CMPK2: variants seen among roughly 807,000 people sequenced by gnomAD.
CMPK2 encodes cytidine/uridine monophosphate kinase 2, also known as UMP-CMP kinase 2, mitochondrial.
In CMPK2, 32 loss-of-function variants were observed where a neutral mutation model predicts 33.4. That is an observed-to-expected ratio of 0.96 (90% CI 0.72 to 1.29). CMPK2 has a LOEUF of 1.29. Ranked by LOEUF, CMPK2 falls within the 50% of genes most tolerant of loss-of-function variation. The pLI, the probability that CMPK2 is intolerant of heterozygous loss-of-function variation, is 0.00. For missense variants in CMPK2, 672 were observed against 616.0 expected, an observed-to-expected ratio of 1.09 and a Z score of -0.96; for synonymous variants, 299 against 275.3, an observed-to-expected ratio of 1.09 and a Z score of -0.85.
downstream of CMPK2, among the ~76,000 whole-genome samples, chr2:6,845,429 G>C (rs1355045829): frequency 1.3e-5 from 2 of 152,108 alleles, no homozygotes; most frequent in Non-Finnish European, 2.9e-5. Flanking sequence ...GCGTTACCCA[G>C]GGTGGAGGGA....
rs112033161 is a variant in CMPK2, at chr2:6,855,554, G to A, written c.993-3871C>T. On this transcript the variant is annotated intron_variant, in intron 3 of 4. Coordinates refer to ENST00000256722, the MANE Select transcript of CMPK2 (RefSeq NM_207315.4). ...TACAGATATCACATATGATAACATC[G>A]GGCATGTTAACAATAGGGCAAAAAC... Among the ~76,000 whole-genome samples the A allele has an allele frequency of 2.0e-3, 304 of 152,172 alleles. 2 individuals carry two copies. The highest frequency in any genetic ancestry group is 7.0e-3 in the African/African-American group (291 of 41,524).
In CMPK2 at chr2:6,865,391, C is replaced by T; in HGVS notation, c.306G>A (p.Leu102=). The T allele has an allele frequency of 1.5e-6, 2 of 1,366,382 alleles. No homozygotes were observed. The highest frequency in any genetic ancestry group is 1.9e-6 in the Non-Finnish European group (2 of 1,069,040). 84.6% of individuals were successfully genotyped at this position (1,366,382 alleles called of 1,614,324 possible). A position where few individuals can be genotyped will look rare whatever the true frequency, so the allele number is the denominator to read the frequency against. ...ARLHQRLLHQ[L]RRGPFQRCQL... ...GGCACCGCTGGAAGGGGCCGCGGCG[C>T]AGCTGGTGCAGCAGGCGCTGGTGCA... Residue 102 remains leucine (L), a synonymous_variant, in exon 1 of 5, where the codon CTG becomes CTA. Transcript: ENST00000256722.
At chr2:6,841,108 C>G (rs2103211547) in intron 3 of CMPK2, among the ~76,000 whole-genome samples, 1 of 152,128 alleles carries the variant, frequency 6.6e-6, no homozygotes, top group South Asian at 2.1e-4. Flanking sequence ...CTTTTGAGAC[C>G]CCTTGGGTAA....
intron 3 of CMPK2, among the ~76,000 whole-genome samples, chr2:6,854,172 A>G (rs2103221351): frequency 6.6e-6 from 1 of 152,338 alleles, no homozygotes; most frequent in Non-Finnish European, 1.5e-5. Flanking sequence ...TACTTAAACT[A>G]TAATTTACAC....
At chr2:6,844,899 T>A (rs900661359), downstream of CMPK2, among the ~76,000 whole-genome samples, 1 of 152,158 alleles carries the variant, frequency 6.6e-6, no homozygotes, top group Non-Finnish European at 1.5e-5. Flanking sequence ...GGGAATTCCT[T>A]AAGTGGCACA....
At chr2:6,850,463 C>T (rs1027518899) in intron 4 of CMPK2, among the ~76,000 whole-genome samples, 2 of 152,140 alleles carry the variant, frequency 1.3e-5, no homozygotes, top group Admixed American at 6.5e-5. Context: ...CATGTGTATA[C>T]AGAGTGACTA....
chr2:6,855,170 A>G (rs1662648065), intron 3 of CMPK2, among the ~76,000 whole-genome samples: 1 of 151,592 alleles, frequency 6.6e-6, no homozygotes, highest in African/African-American at 2.4e-5. Flanking sequence ...GCACCAACCT[A>G]ATAATTCCCA....
Position 6,865,250 on chromosome 2 carries a change from C to T in CMPK2, c.447G>A (p.Leu149=). 6.5e-7 allele frequency: 1 copy of T among 1,536,538 alleles called. No individual in the cohort carries two copies. ...DPDTRQALLE[L]LGACQEAPRP... ...GTGGTGCCTCCTGACAGGCGCCCAGCAGCTCGAGCAGCGCTTGCCGGGTGT... is the reference window on the plus strand; with the variant it reads ...GTGGTGCCTCCTGACAGGCGCCCAGTAGCTCGAGCAGCGCTTGCCGGGTGT... The change falls in exon 1 of 5, where the codon CTG becomes CTA. Residue 149 remains leucine, a synonymous_variant. Coordinates refer to ENST00000256722, the MANE Select transcript of CMPK2 (RefSeq NM_207315.4).
Position 6,849,738 on chromosome 2 carries a change from CCA to C in CMPK2, c.*110_*111del. 6.5e-7 allele frequency: 1 copy of C among 1,540,782 alleles called. No individual in the cohort carries two copies. The highest frequency in any genetic ancestry group is 8.7e-7 in the Non-Finnish European group (1 of 1,152,810). Reference sequence around the variant, plus strand: ...AAGATGCCTGGTCTCCAGTTTTCTGCCACACAACATGCTTGTAGAACAGAAAT... The same window carrying C: ...AAGATGCCTGGTCTCCAGTTTTCTGCCACAACATGCTTGTAGAACAGAAAT... On this transcript the variant is annotated 3_prime_UTR_variant, in exon 5 of 5. Coordinates refer to ENST00000256722, the MANE Select transcript of CMPK2 (RefSeq NM_207315.4).
intron 3 of CMPK2, among the ~76,000 whole-genome samples, chr2:6,840,956 A>ATG (rs1662215127): frequency 6.6e-6 from 1 of 152,140 alleles, no homozygotes; most frequent in Non-Finnish European, 1.5e-5. Context: ...CACTAAGGCT[A>ATG]TAGGAAGATA....
chr2:6,865,121 G>C lies in CMPK2; in HGVS notation c.576C>G (p.Val192=), dbSNP rs1375133211. The change falls in exon 1 of 5, where the codon GTC becomes GTG. Residue 192 remains valine (V), a synonymous_variant. Coordinates refer to ENST00000256722, the MANE Select transcript of CMPK2 (RefSeq NM_207315.4). The part of the protein sequence containing the change: ...GRRLQVGCAQ[V]VPVPEPPLHP... Reference sequence around the variant, plus strand: ...GCAGCGGGGGCTCCGGGACGGGCACGACCTGTGCGCAGCCCACCTGCAGCC... The same window carrying C: ...GCAGCGGGGGCTCCGGGACGGGCACCACCTGTGCGCAGCCCACCTGCAGCC... The C allele has an allele frequency of 4.0e-6, 6 of 1,515,990 alleles. No homozygotes were observed. Among genetic ancestry groups the C allele is most frequent in the Non-Finnish European group, 4.4e-6 (5 of 1,132,066 alleles). The allele number at this position is 1,515,990 out of a possible 1,614,324, so 93.9% of individuals were successfully genotyped here.
intron 3 of CMPK2, among the ~76,000 whole-genome samples, chr2:6,855,703 G>A (rs1662664995): frequency 6.6e-6 from 1 of 152,034 alleles, no homozygotes; most frequent in African/African-American, 2.4e-5. Context: ...CATCCCTATT[G>A]TCATCCCAGG....
intron 3 of CMPK2, among the ~76,000 whole-genome samples, chr2:6,842,597 A>G (rs140756647): frequency 6.6e-6 from 1 of 152,338 alleles, no homozygotes; most frequent in African/African-American, 2.4e-5. Flanking sequence ...TGAGATGTGC[A>G]GATTAAATGC....
exon 4 of CMPK2, chr2:6,840,578 G>T (rs1558317864): frequency 4.3e-6 from 3 of 702,264 alleles, no homozygotes; most frequent in Non-Finnish European, 7.8e-6. Context: ...GGTCATTCCA[G>T]GCCTTGACTC....
intron 3 of CMPK2, among the ~76,000 whole-genome samples, chr2:6,854,356 A>G (rs1376141210): frequency 6.6e-6 from 1 of 152,226 alleles, no homozygotes; most frequent in Non-Finnish European, 1.5e-5. Flanking sequence ...TCCCCGTTAA[A>G]AATTACTGTC....
intron 1 of CMPK2, chr2:6,864,563 G>GCT (rs1349312826): frequency 1.3e-5 from 2 of 154,124 alleles, no homozygotes; most frequent in Non-Finnish European, 2.9e-5. Context: ...AAAACTTAGA[G>GCT]TAGTTGAGTA....
In CMPK2 at chr2:6,848,692, ACAGATTTATCTG is replaced by A. The variant is rs1662423864; in HGVS notation, c.*1146_*1157del. On this transcript the variant is annotated 3_prime_UTR_variant, in exon 5 of 5. Coordinates refer to ENST00000256722, the MANE Select transcript of CMPK2 (RefSeq NM_207315.4). ...AATGGTAGATAGGATAAAATAATTT[ACAGATTTATCTG>A]CCTTTGAACTGGAAGGAATTTTAGG... 3 of 985,018 alleles carry A rather than the reference ACAGATTTATCTG, an allele frequency of 3.0e-6. No individual in the cohort carries two copies. Among genetic ancestry groups the A allele is most frequent in the South Asian group, 4.7e-5 (1 of 21,280 alleles). The allele number at this position is 985,018 out of a possible 1,614,324, so 61.0% of individuals were successfully genotyped here. A position where few individuals can be genotyped will look rare whatever the true frequency, so the allele number is the denominator to read the frequency against.
chr2:6,841,149 T>C (rs553705746), intron 3 of CMPK2, among the ~76,000 whole-genome samples: 1 of 152,270 alleles, frequency 6.6e-6, no homozygotes, highest in Admixed American at 6.5e-5. Flanking sequence ...CCATTGTCAC[T>C]TTGGAGGTAT....
chr2:6,845,594 T>C (rs1662338927), downstream of CMPK2, among the ~76,000 whole-genome samples: 1 of 152,156 alleles, frequency 6.6e-6, no homozygotes, highest in South Asian at 2.1e-4. Flanking sequence ...CATAAGGCTC[T>C]AGCTTTCTGC....
Sources: allele counts gnomAD v4.1 joint callset (sites outside exome capture counted in the v4.1 genomes callset), GRCh38; gene constraint gnomAD v4.1.1; transcripts MANE v1.5; gene names NCBI Gene and HGNC (gene_info 2026-07-23, HGNC 2026-07-21).